Variants in SEMA5A observed in about 807,000 individuals in gnomAD.
SEMA5A encodes semaphorin 5A.
SEMA5A carries 55 observed loss-of-function variants against 135.5 expected under a neutral mutation model. The ratio of observed to expected loss-of-function variants is 0.41; its 90% CI spans 0.33 to 0.51. SEMA5A has a LOEUF of 0.51. SEMA5A is among the 20% of genes least tolerant of loss of function. The pLI, the probability that SEMA5A is intolerant of heterozygous loss-of-function variation, is 0.37. For missense variants in SEMA5A, 1,290 were observed against 1,419.9 expected, an observed-to-expected ratio of 0.91 and a Z score of 1.47; for synonymous variants, 580 against 546.5, an observed-to-expected ratio of 1.06 and a Z score of -0.85.
intron 1 of SEMA5A, among the ~76,000 whole-genome samples, chr5:9,442,595 G>T (rs268530): frequency 1.1e-4 from 17 of 152,262 alleles, no homozygotes; most frequent in South Asian, 8.3e-4. Context: ...ATGGCAAACA[G>T]GGTCAGGGGG....
chr5:9,304,582 C>G (rs1056775605), intron 5 of SEMA5A, among the ~76,000 whole-genome samples: 3 of 152,078 alleles, frequency 2.0e-5, no homozygotes, highest in African/African-American at 2.4e-5. Context: ...AAACTTTCAA[C>G]TCTTTAACTG....
At chr5:9,495,463 C>G (rs1735254682) in intron 1 of SEMA5A, among the ~76,000 whole-genome samples, 1 of 152,148 alleles carries the variant, frequency 6.6e-6, no homozygotes, top group South Asian at 2.1e-4. Flanking sequence ...GCACAAGGAC[C>G]ATGTTTAGAA....
intron 3 of SEMA5A, among the ~76,000 whole-genome samples, chr5:9,347,529 G>A (rs1413713388): frequency 6.6e-6 from 1 of 152,106 alleles, no homozygotes; most frequent in Non-Finnish European, 1.5e-5. Context: ...AAAACTACAA[G>A]CTTGTGTCAC....
intron 1 of SEMA5A, among the ~76,000 whole-genome samples, chr5:9,521,722 A>G (rs1736843024): frequency 6.6e-6 from 1 of 152,194 alleles, no homozygotes; most frequent in Non-Finnish European, 1.5e-5. Flanking sequence ...CACTACAAGG[A>G]AAACCTCCTT....
In SEMA5A at chr5:9,232,839, G is replaced by A. The variant is rs1022048096; in HGVS notation, c.333+4989C>T. On this transcript the variant is annotated intron_variant, in intron 6 of 22. Coordinates refer to ENST00000382496, the MANE Select transcript of SEMA5A (RefSeq NM_003966.3). ...AAAGCAATTACATAAAATAAAAGCA[G>A]GGCTACAATGTGTCCCATGTATTGA... Among the ~76,000 whole-genome samples, 10 of 152,184 alleles carry A rather than the reference G, an allele frequency of 6.6e-5. No homozygotes were observed. The South Asian group carries it at 2.1e-3, about 32-fold the overall frequency.
chr5:9,349,946 A>G, intron 3 of SEMA5A, among the ~76,000 whole-genome samples: 1 of 152,042 alleles, frequency 6.6e-6, no homozygotes, highest in Non-Finnish European at 1.5e-5. Context: ...ACATGCTATC[A>G]AAATAAAATT....
At chr5:9,480,544 C>G (rs1201503644) in intron 1 of SEMA5A, among the ~76,000 whole-genome samples, 2 of 152,150 alleles carry the variant, frequency 1.3e-5, no homozygotes, top group Non-Finnish European at 1.5e-5. Context: ...GGTGGCAACC[C>G]TGCCTTTGTG....
rs138480994 is a variant in SEMA5A at position 9,207,479 on chromosome 5, C to G, written c.647-5239G>C. Among the ~76,000 whole-genome samples, 1,143 of 152,242 alleles carry G rather than the reference C, an allele frequency of 7.5e-3. 14 individuals carry two copies. The highest frequency in any genetic ancestry group is 0.026 in the African/African-American group (1,089 of 41,540). ...GGATTATAGGCATGAGCCACTGCCC[C>G]TGGTCTACCATGCTGAGTTTTTAAA... On this transcript the variant is annotated intron_variant, in intron 8 of 22. Coordinates refer to ENST00000382496, the MANE Select transcript of SEMA5A (RefSeq NM_003966.3).
intron 5 of SEMA5A, among the ~76,000 whole-genome samples, chr5:9,293,740 C>T (rs1048681142): frequency 9.9e-5 from 15 of 152,058 alleles, no homozygotes; most frequent in Admixed American, 9.2e-4. Context: ...CTAATTTAGC[C>T]CTATGTCCAG....
chr5:9,171,635 A>T (rs1182746656), intron 11 of SEMA5A, among the ~76,000 whole-genome samples: 1 of 152,138 alleles, frequency 6.6e-6, no homozygotes, highest in Non-Finnish European at 1.5e-5. Flanking sequence ...ATCTCAGGCC[A>T]GTTCTTATTG....
At chr5:9,328,604 C>G (rs1752980659) in intron 4 of SEMA5A, among the ~76,000 whole-genome samples, 1 of 152,066 alleles carries the variant, frequency 6.6e-6, no homozygotes, top group African/African-American at 2.4e-5. Flanking sequence ...CATAGTAAAA[C>G]CCTGTCTCCA....
chr5:9,039,360 T>A lies in SEMA5A; in HGVS notation c.*3537A>T, dbSNP rs1352839812. The stretch of plus-strand genomic sequence containing the variant: ...CTATTTGCCATCACCTGTGACCCGA[T>A]GGGGCCAGACCCCTGGTTCATCCCA... On this transcript the variant is annotated 3_prime_UTR_variant, in exon 23 of 23. Transcript: ENST00000382496. 1.3e-5 allele frequency: 2 copies of A among 152,472 alleles called. No homozygotes were observed. Among genetic ancestry groups the A allele is most frequent in the East Asian group, 3.9e-4 (2 of 5,174 alleles). 9.4% of individuals were successfully genotyped at this position (152,472 alleles called of 1,614,324 possible). A position where few individuals can be genotyped will look rare whatever the true frequency, so the allele number is the denominator to read the frequency against.
chr5:9,047,843 T>C (rs908666323), intron 21 of SEMA5A, among the ~76,000 whole-genome samples: 2 of 152,166 alleles, frequency 1.3e-5, no homozygotes, highest in Non-Finnish European at 2.9e-5. Flanking sequence ...ATTTAACCAA[T>C]AGCATCTCAG....
rs145983385 is a variant in SEMA5A, at chr5:9,130,250, T to C, written c.1599+6254A>G. The stretch of plus-strand genomic sequence containing the variant: ...GATTCTTACTATATTCCAACCACTA[T>C]TGTTTCATGACTTAATTGAAGTCTT... On this transcript the variant is annotated intron_variant, in intron 13 of 22. Coordinates refer to ENST00000382496, the MANE Select transcript of SEMA5A (RefSeq NM_003966.3). Among the ~76,000 whole-genome samples, 571 of 152,318 alleles carry C rather than the reference T, an allele frequency of 3.7e-3. 5 individuals carry two copies. The highest frequency in any genetic ancestry group is 0.013 in the African/African-American group (538 of 41,576).
At chr5:9,399,148 A>C (rs1260178334) in intron 2 of SEMA5A, among the ~76,000 whole-genome samples, 1 of 152,240 alleles carries the variant, frequency 6.6e-6, no homozygotes, top group East Asian at 1.9e-4. Flanking sequence ...GTACATGAAC[A>C]TTCATAGCAG....
chr5:9,352,529 C>T (rs1427679196), intron 3 of SEMA5A, among the ~76,000 whole-genome samples: 2 of 152,192 alleles, frequency 1.3e-5, no homozygotes, highest in Non-Finnish European at 2.9e-5. Flanking sequence ...GAATTACAGG[C>T]ATGAGCCACC....
chr5:9,066,668 G>A (rs568819311), intron 16 of SEMA5A, 22 bp from the exon 17 acceptor site: 41 of 1,607,446 alleles, frequency 2.6e-5, no homozygotes, highest in Non-Finnish European at 3.4e-5. Context: ...GCGCAGACGA[G>A]TGTTACTATA....
chr5:9,306,962 GACTCCAGATATT>G (rs1205082572), intron 5 of SEMA5A, among the ~76,000 whole-genome samples: 3 of 152,186 alleles, frequency 2.0e-5, no homozygotes, highest in Non-Finnish European at 2.9e-5. Context: ...GAGGTCTTCG[GACTCCAGATATT>G]ACCAAAATTA....
chr5:9,093,498 G>A (rs566791166), intron 16 of SEMA5A, among the ~76,000 whole-genome samples: 1 of 152,078 alleles, frequency 6.6e-6, no homozygotes, highest in African/African-American at 2.4e-5. Context: ...CACGAGGTCA[G>A]GAGTTCAAGA....
Sources: gnomAD v4.1 joint callset for allele counts (sites outside exome capture counted in the v4.1 genomes callset) on GRCh38, gnomAD v4.1.1 for gene constraint, MANE v1.5 for transcripts, NCBI Gene and HGNC (gene_info 2026-07-23, HGNC 2026-07-21) for gene names.